PARN: variants seen among roughly 807,000 people sequenced by gnomAD.
The protein encoded by PARN is poly(A)-specific ribonuclease, also known as poly(A)-specific ribonuclease PARN.
Under a neutral mutation model 102.8 loss-of-function variants are expected in PARN, and 71 were observed. The ratio of observed to expected loss-of-function variants is 0.69; its 90% CI spans 0.57 to 0.84. The LOEUF is 0.84. Ranked by LOEUF, PARN falls within the 40% of genes least tolerant of loss-of-function variation. The pLI is 0.00. For synonymous variants in PARN, 261 were observed against 252.9 expected (o/e 1.03, Z -0.30); for missense variants, 782 against 760.9 (o/e 1.03, Z -0.33).
intron 22 of PARN, among the ~76,000 whole-genome samples, chr16:14,476,650 C>A (rs1043506779): frequency 2.0e-5 from 3 of 152,010 alleles, no homozygotes; most frequent in African/African-American, 7.2e-5. Context: ...GGTAACATAG[C>A]GAGACCCCAT....
chr16:14,510,558 AACTC>A (rs1000655274), intron 21 of PARN, among the ~76,000 whole-genome samples: 6 of 152,208 alleles, frequency 3.9e-5, no homozygotes, highest in African/African-American at 7.2e-5. Context: ...AAAAGAAAAA[AACTC>A]AGAGACTCAA....
At chr16:14,582,911 T>C (rs1459763300) in intron 16 of PARN, among the ~76,000 whole-genome samples, 1 of 152,154 alleles carries the variant, frequency 6.6e-6, no homozygotes, top group East Asian at 1.9e-4. Flanking sequence ...GCTCAAAAAC[T>C]GTTATCTATC....
At chr16:14,442,004 T>C (rs1255827724) in intron 23 of PARN, among the ~76,000 whole-genome samples, 2 of 152,158 alleles carry the variant, frequency 1.3e-5, no homozygotes, top group African/African-American at 4.8e-5. Context: ...TTGTTTTAAA[T>C]GTTAGGGGAA....
At chr16:14,601,647 G>A (rs965698177) in intron 11 of PARN, among the ~76,000 whole-genome samples, 2 of 152,062 alleles carry the variant, frequency 1.3e-5, no homozygotes, top group Admixed American at 6.5e-5. Flanking sequence ...GGGGGGTCAG[G>A]CATGGTAGCT....
At chr16:14,598,495 A>T (rs534464635) in intron 12 of PARN, among the ~76,000 whole-genome samples, 2 of 152,288 alleles carry the variant, frequency 1.3e-5, no homozygotes, top group East Asian at 3.9e-4. Flanking sequence ...GGCCCGCCTC[A>T]ATCAAAACCA....
At chr16:14,443,063 C>A (rs1282172304) in intron 23 of PARN, among the ~76,000 whole-genome samples, 1 of 152,196 alleles carries the variant, frequency 6.6e-6, no homozygotes, top group Non-Finnish European at 1.5e-5. Flanking sequence ...CAACTCTAAG[C>A]CTCAGTTTCC....
chr16:14,459,487 A>G (rs1358417297), intron 22 of PARN, among the ~76,000 whole-genome samples: 1 of 152,212 alleles, frequency 6.6e-6, no homozygotes, highest in East Asian at 1.9e-4. Context: ...CATGCTGAAA[A>G]CTATAATACA....
chr16:14,537,847 T>C (rs771069420), intron 21 of PARN, among the ~76,000 whole-genome samples: 3 of 152,164 alleles, frequency 2.0e-5, no homozygotes, highest in African/African-American at 7.2e-5. Context: ...AAGAGGAATG[T>C]GTTCTGATGT....
intron 18 of PARN, among the ~76,000 whole-genome samples, chr16:14,563,212 G>T (rs934025049): frequency 1.3e-5 from 2 of 152,158 alleles, no homozygotes; most frequent in Non-Finnish European, 2.9e-5. Context: ...ACTTAGTTTT[G>T]CTCCTGAGGC....
At chr16:14,534,866 C>T (rs1966543705) in intron 21 of PARN, among the ~76,000 whole-genome samples, 1 of 147,804 alleles carries the variant, frequency 6.8e-6, no homozygotes, top group Non-Finnish European at 1.5e-5. Flanking sequence ...CAGAATTTCA[C>T]TCTTGTTGCC....
At position 14,596,062 on chromosome 16, in the gene PARN, C is replaced by G. The variant is rs1970486014; in HGVS notation, c.841-2684G>C. On this transcript the variant is annotated intron_variant, in intron 12 of 23. Transcript: ENST00000437198. ...TGCCTAGGTCTACATACATATGGTTCTTAGTTCTGTCCAGTGAGAGGGCTT... is the reference window on the plus strand; with the variant it reads ...TGCCTAGGTCTACATACATATGGTTGTTAGTTCTGTCCAGTGAGAGGGCTT... Among the ~76,000 whole-genome samples, 2 of 152,162 alleles carry G rather than the reference C, an allele frequency of 1.3e-5. 1 individual carries two copies. The highest frequency in any genetic ancestry group is 1.3e-4 in the Admixed American group (2 of 15,266).
At chr16:14,563,603 A>G (rs1055138465) in intron 18 of PARN, among the ~76,000 whole-genome samples, 9 of 151,472 alleles carry the variant, frequency 5.9e-5, no homozygotes, top group African/African-American at 2.2e-4. Context: ...GACAGGGTCT[A>G]TGTTGCCCAA....
intron 1 of PARN, among the ~76,000 whole-genome samples, 168 bp from the exon 2 acceptor site, chr16:14,629,842 G>C (rs549616621): frequency 6.6e-6 from 1 of 152,222 alleles, no homozygotes; most frequent in Non-Finnish European, 1.5e-5. Context: ...CATGGGTCAG[G>C]GGGGACAAGC....
chr16:14,534,748 C>T (rs1462734833), intron 21 of PARN, among the ~76,000 whole-genome samples: 1 of 152,128 alleles, frequency 6.6e-6, no homozygotes, highest in African/African-American at 2.4e-5. Context: ...AAGTTCCCCA[C>T]ATCGCTCCAC....
intron 16 of PARN, 89 bp downstream of exon 16, chr16:14,584,258 G>C: frequency 3.5e-6 from 3 of 864,090 alleles, no homozygotes; most frequent in Non-Finnish European, 5.7e-6. Flanking sequence ...TGAACAATAC[G>C]GTCTCCAGAG....
At chr16:14,532,967 G>A (rs1488441181) in intron 21 of PARN, among the ~76,000 whole-genome samples, 5 of 152,056 alleles carry the variant, frequency 3.3e-5, no homozygotes, top group Non-Finnish European at 5.9e-5. Context: ...GACGATGGGC[G>A]GCCAGGCAGA....
At chr16:14,480,839 G>A (rs1410559739) in intron 22 of PARN, among the ~76,000 whole-genome samples, 2 of 152,174 alleles carry the variant, frequency 1.3e-5, no homozygotes, top group East Asian at 3.9e-4. Context: ...TTCTCGGGAA[G>A]CGGAGGCCCG....
At chr16:14,601,650 T>C (rs879369733) in intron 11 of PARN, among the ~76,000 whole-genome samples, 22 of 152,042 alleles carry the variant, frequency 1.4e-4, no homozygotes, top group Non-Finnish European at 2.6e-4. Context: ...GGGTCAGGCA[T>C]GGTAGCTCAC....
intron 5 of PARN, among the ~76,000 whole-genome samples, chr16:14,621,783 C>G (rs1308127969): frequency 2.6e-5 from 4 of 151,070 alleles, no homozygotes; most frequent in Non-Finnish European, 2.9e-5. Context: ...TGCACTCCAG[C>G]CTGGGCGACA....
Sources: gnomAD v4.1 joint callset for allele counts (sites outside exome capture counted in the v4.1 genomes callset) on GRCh38, gnomAD v4.1.1 for gene constraint, MANE v1.5 for transcripts, NCBI Gene and HGNC (gene_info 2026-07-23, HGNC 2026-07-21) for gene names.